TECPR2: variants seen among roughly 807,000 people sequenced by gnomAD.
The protein encoded by TECPR2 is tectonin beta-propeller repeat-containing protein 2.
Under a neutral mutation model 138.1 loss-of-function variants are expected in TECPR2, and 65 were observed. The observed-to-expected ratio is 0.47, with a 90% CI of 0.39 to 0.58. The LOEUF (loss-of-function observed/expected upper bound fraction) is 0.58, where lower values mean the gene tolerates loss of function less well. TECPR2 is among the 20% of genes least tolerant of loss of function. TECPR2 has a pLI of 0.00. For synonymous variants in TECPR2, 746 were observed against 749.8 expected, an observed-to-expected ratio of 0.99 and a Z score of 0.08; for missense variants, 1,553 against 1,824.5, an observed-to-expected ratio of 0.85 and a Z score of 2.71.
At chr14:102,378,288 C>T (rs772773231) in intron 2 of TECPR2, among the ~76,000 whole-genome samples, 13 of 152,166 alleles carry the variant, frequency 8.5e-5, no homozygotes, top group Non-Finnish European at 1.0e-4. Flanking sequence ...TCATTTAAAA[C>T]GTAACTAATT....
chr14:102,410,474 AAAAAAAATAAAAAAT>A lies in TECPR2; in HGVS notation c.480+1862_480+1876del, dbSNP rs1198053943. On this transcript the variant is annotated intron_variant, in intron 4 of 19. Transcript: ENST00000359520. ...ATTATCAATAAAAAAATAAATTAAA[AAAAAAAATAAAAAAT>A]AAAAAATAAAAAAATAAAAACACAC... 2.0e-4 allele frequency among the ~76,000 whole-genome samples: 27 copies of A among 136,218 alleles called. 2 individuals are homozygous for A. The highest frequency in any genetic ancestry group is 4.7e-4 in the South Asian group (2 of 4,270). The allele number at this position is 136,218 out of a possible 152,430, so 89.4% of individuals were successfully genotyped here.
rs888963649 is a variant in TECPR2 at position 102,419,605 on chromosome 14, A to G, written c.638+4812A>G. On this transcript the variant is annotated intron_variant, in intron 5 of 19. Transcript: ENST00000359520. The surrounding 1 kb of genome is among the most constrained non-coding windows in gnomAD (Gnocchi z 4.8). ...CCAGAGAAAGGGCAGGGCACTGAGC[A>G]CAGGGCAGGTGCAGGCAGGTCAGGA... 6.6e-6 allele frequency among the ~76,000 whole-genome samples: 1 copy of G among 152,128 alleles called. No homozygotes were observed. The highest frequency in any genetic ancestry group is 1.5e-5 in the Non-Finnish European group (1 of 68,008).
At chr14:102,438,950 C>T (rs950876782) in intron 10 of TECPR2, among the ~76,000 whole-genome samples, 1 of 151,840 alleles carries the variant, frequency 6.6e-6, no homozygotes, top group Admixed American at 6.6e-5. Context: ...CGAGCTCCAC[C>T]TCCCAGGTTC....
Position 102,498,670 on chromosome 14 carries a change from TG to T in TECPR2, c.*415del. 2.5e-6 allele frequency: 1 copy of T among 398,860 alleles called. No individual in the cohort carries two copies. The highest frequency in any genetic ancestry group is 2.1e-5 in the South Asian group (1 of 48,120). 24.7% of individuals were successfully genotyped at this position (398,860 alleles called of 1,614,324 possible). The stretch of plus-strand genomic sequence containing the variant: ...CCACATTAGTAGCCCCAGGGCCAGA[TG>T]GAGCCAAAGGTCAGCTCTCTGCAGC... On this transcript the variant is annotated 3_prime_UTR_variant, in exon 20 of 20. Transcript: ENST00000359520.
chr14:102,499,214 G>A lies in TECPR2; in HGVS notation c.*957G>A. ...CATGGGGCGTGGGGGAGCTGAGCAA[G>A]GGTCGCTCACTTAGAAATGTCTTTG... On this transcript the variant is annotated 3_prime_UTR_variant, in exon 20 of 20. Coordinates refer to ENST00000359520, the MANE Select transcript of TECPR2 (RefSeq NM_014844.5). 1 of 694,812 alleles carries A rather than the reference G, an allele frequency of 1.4e-6. No homozygotes were observed. Among genetic ancestry groups the A allele is most frequent in the Non-Finnish European group, 2.6e-6 (1 of 378,662 alleles). The allele number at this position is 694,812 out of a possible 1,614,324, so 43.0% of individuals were successfully genotyped here.
At chr14:102,491,911 C>A (rs1233029001) in intron 17 of TECPR2, among the ~76,000 whole-genome samples, 5 of 152,234 alleles carry the variant, frequency 3.3e-5, no homozygotes, top group African/African-American at 1.2e-4. Context: ...TGTGTGGGTG[C>A]TCATTTGTCG....
intron 4 of TECPR2, among the ~76,000 whole-genome samples, chr14:102,410,561 T>A (rs1320485808): frequency 6.6e-6 from 1 of 151,480 alleles, no homozygotes; most frequent in African/African-American, 2.4e-5. Flanking sequence ...ACAATACTTT[T>A]ACCACTTTCC....
rs76563445 is a variant in TECPR2, at chr14:102,486,395, G to T, written c.3790-10584G>T. ...GTTCACTGTAACCTCAACCTCCTGGGCTCAAGTGATCCTCTTACCTCATCC... is the reference window on the plus strand; with the variant it reads ...GTTCACTGTAACCTCAACCTCCTGGTCTCAAGTGATCCTCTTACCTCATCC... On this transcript the variant is annotated intron_variant, in intron 17 of 19. Coordinates refer to ENST00000359520, the MANE Select transcript of TECPR2 (RefSeq NM_014844.5). Among the ~76,000 whole-genome samples the T allele has an allele frequency of 7.0e-4, 107 of 152,282 alleles. 2 individuals carry two copies. In the East Asian group the frequency reaches 0.02, roughly 29 times the overall value.
chr14:102,500,972 C>T lies in TECPR2; in HGVS notation c.*2715C>T, dbSNP rs1891423180. ...ACTGGAAGCCAGCTCTGTAGAACTGCAGACCTGTGCTGTTTGATGCCTCCT... is the reference window on the plus strand; with the variant it reads ...ACTGGAAGCCAGCTCTGTAGAACTGTAGACCTGTGCTGTTTGATGCCTCCT... On this transcript the variant is annotated 3_prime_UTR_variant, in exon 20 of 20. Transcript: ENST00000359520. 6.6e-6 allele frequency: 1 copy of T among 152,296 alleles called. No individual in the cohort carries two copies. The highest frequency in any genetic ancestry group is 2.4e-5 in the African/African-American group (1 of 41,466). 9.4% of individuals were successfully genotyped at this position (152,296 alleles called of 1,614,324 possible).
intron 2 of TECPR2, among the ~76,000 whole-genome samples, chr14:102,384,609 G>A (rs972211572): frequency 1.3e-5 from 2 of 151,390 alleles, no homozygotes; most frequent in African/African-American, 2.4e-5. Context: ...CCCGGGAGGC[G>A]GAGATTGCAG....
intron 15 of TECPR2, among the ~76,000 whole-genome samples, chr14:102,451,733 A>G (rs757472726): frequency 2.2e-4 from 33 of 152,196 alleles, no homozygotes; most frequent in Admixed American, 7.9e-4. Flanking sequence ...TACTTCATAT[A>G]ACGTACTGTG....
intron 15 of TECPR2, among the ~76,000 whole-genome samples, chr14:102,450,900 G>A (rs1021293644): frequency 8.5e-5 from 13 of 152,166 alleles, no homozygotes; most frequent in South Asian, 2.1e-4. Context: ...CTGAAGGAGG[G>A]GCTCACACAG....
Position 102,452,553 on chromosome 14 carries a change from A to G in TECPR2, c.3566A>G (p.Gln1189Arg). The G allele has an allele frequency of 6.2e-7, 1 of 1,611,046 alleles. No homozygotes were observed. Among genetic ancestry groups the G allele is most frequent in the South Asian group, 1.1e-5 (1 of 90,450 alleles). Residue 1189 changes from glutamine to arginine, a missense_variant, in exon 16 of 20, where the codon CAG becomes CGG. Transcript: ENST00000359520. ...CTGTGGGCGCTGGACAGCCTCGGCC[A>G]GGTGTTCATCAGGACGCTCTCCAAG... ...DALWALDSLG[Q>R]VFIRTLSKSC... is the part of the protein sequence containing the mutation.
Position 102,499,345 on chromosome 14 carries a change from T to A in TECPR2, c.*1088T>A, listed in dbSNP as rs1309511822. On this transcript the variant is annotated 3_prime_UTR_variant, in exon 20 of 20. Transcript: ENST00000359520. The stretch of plus-strand genomic sequence containing the variant: ...TTTGTTGTTGTATTACAAATCTGCA[T>A]AAAATACCTCATTTCAAATCAAATC... 1 of 601,676 alleles carries A rather than the reference T, an allele frequency of 1.7e-6. No homozygotes were observed. The highest frequency in any genetic ancestry group is 3.0e-6 in the Non-Finnish European group (1 of 335,352). The allele number at this position is 601,676 out of a possible 1,614,324, so 37.3% of individuals were successfully genotyped here.
At chr14:102,457,607 G>T (rs1043246718) in intron 16 of TECPR2, among the ~76,000 whole-genome samples, 4 of 152,068 alleles carry the variant, frequency 2.6e-5, no homozygotes, top group African/African-American at 9.7e-5. Context: ...TTACAAGTCA[G>T]CAGTGGGCCG....
In TECPR2 at chr14:102,415,791, A is replaced by G. The variant is rs1889007971; in HGVS notation, c.638+998A>G. ...TGTTTGCCTGCATAGAATCAGGGGC[A>G]GGGCAGCTGATGGTCACGGCATGTG... On this transcript the variant is annotated intron_variant, in intron 5 of 19. Coordinates refer to ENST00000359520, the MANE Select transcript of TECPR2 (RefSeq NM_014844.5). This position sits in a 1 kb window ranked among gnomAD's most constrained non-coding sequence, Gnocchi z 4.3. Among the ~76,000 whole-genome samples, 1 of 152,190 alleles carries G rather than the reference A, an allele frequency of 6.6e-6. No homozygotes were observed. The highest frequency in any genetic ancestry group is 2.4e-5 in the African/African-American group (1 of 41,452).
intron 1 of TECPR2, among the ~76,000 whole-genome samples, chr14:102,370,919 CT>C (rs1025764107): frequency 6.6e-6 from 1 of 152,136 alleles, no homozygotes; most frequent in Non-Finnish European, 1.5e-5. Context: ...CCTTTTCTGG[CT>C]TGGTCAGCAT....
intron 11 of TECPR2, among the ~76,000 whole-genome samples, chr14:102,442,461 A>T (rs770568827): frequency 2.6e-5 from 4 of 152,244 alleles, no homozygotes; most frequent in Non-Finnish European, 5.9e-5. Flanking sequence ...TCTTTAAATG[A>T]AAGTAGCTCT....
rs1161485602 is a variant in TECPR2 at position 102,482,817 on chromosome 14, A to G, written c.3790-14162A>G. The stretch of plus-strand genomic sequence containing the variant: ...TTGTCTCTCGGCTTCCAGGATTGCT[A>G]CTGAGAAGCCAGAAGCCTTTCTTTT... On this transcript the variant is annotated intron_variant, in intron 17 of 19. Coordinates refer to ENST00000359520, the MANE Select transcript of TECPR2 (RefSeq NM_014844.5). Among the ~76,000 whole-genome samples, 30 of 148,270 alleles carry G rather than the reference A, an allele frequency of 2.0e-4. 2 individuals carry two copies. The Admixed American group carries it at 2.0e-3, about 10-fold the overall frequency.
Sources: allele counts gnomAD v4.1 joint callset (sites outside exome capture counted in the v4.1 genomes callset), GRCh38; gene constraint gnomAD v4.1.1; non-coding constraint Gnocchi (gnomAD v3.1); transcripts MANE v1.5; gene names NCBI Gene and HGNC (gene_info 2026-07-23, HGNC 2026-07-21).